Variants in LRP1B observed in about 807,000 individuals in gnomAD.
LRP1B encodes the protein low-density lipoprotein receptor-related protein 1B.
Under a neutral mutation model 556.6 loss-of-function variants are expected in LRP1B, and 217 were observed. The observed-to-expected ratio is 0.39, with a 90% confidence interval of 0.35 to 0.44. The LOEUF (loss-of-function observed/expected upper bound fraction) is 0.44, where lower values mean the gene tolerates loss of function less well. Ranked by LOEUF, LRP1B falls within the 20% of genes least tolerant of loss-of-function variation. The pLI is 1.00. For synonymous variants in LRP1B, 2,047 were observed against 1,865.8 expected, an observed-to-expected ratio of 1.10 and a Z score of -2.50; for missense variants, 5,053 against 5,620.8, an observed-to-expected ratio of 0.90 and a Z score of 3.23.
chr2:140,851,545 G>GA lies in LRP1B; in HGVS notation c.4711+106dup, dbSNP rs34439000. 3,839 of 1,273,590 alleles carry GA rather than the reference G, an allele frequency of 3.0e-3. 1 individual carries two copies. The highest frequency in any genetic ancestry group is 6.7e-3 in the South Asian group (460 of 68,328). 78.9% of individuals were successfully genotyped at this position (1,273,590 alleles called of 1,614,324 possible). On this transcript the variant is annotated intron_variant, in intron 28 of 90. Transcript: ENST00000389484. ...ACCACCTAAAATATTTTTGAAAACA[G>GA]AAAAAAAAACTTCCTCTGCTTTAAT...
At chr2:140,625,124 T>C (rs1683609113) in intron 41 of LRP1B, among the ~76,000 whole-genome samples, 1 of 152,190 alleles carries the variant, frequency 6.6e-6, no homozygotes, top group Non-Finnish European at 1.5e-5. Flanking sequence ...ACAGTTGTGA[T>C]GTCTGTGGTT....
chr2:140,294,945 C>T (rs559777606), intron 84 of LRP1B, among the ~76,000 whole-genome samples: 6 of 152,180 alleles, frequency 3.9e-5, no homozygotes, highest in Non-Finnish European at 7.4e-5. Context: ...GGCGTGATCT[C>T]GGCTCACTGC....
In LRP1B at chr2:140,470,366, G is replaced by A. The variant is rs563995959; in HGVS notation, c.9625+4772C>T. On this transcript the variant is annotated intron_variant, in intron 60 of 90. Transcript: ENST00000389484. ...AGATTAAAACGTGGAGATTTGGGCC[G>A]GGCGTGGTGGCTCACGCCTGTAATC... is the stretch of plus-strand genomic sequence containing the variant. 9.9e-5 allele frequency among the ~76,000 whole-genome samples: 15 copies of A among 152,088 alleles called. No homozygotes were observed. The East Asian group carries it at 2.3e-3, about 24-fold the overall frequency.
chr2:140,831,015 C>A (rs1385948836), intron 31 of LRP1B, among the ~76,000 whole-genome samples: 1 of 151,938 alleles, frequency 6.6e-6, no homozygotes, highest in East Asian at 1.9e-4. Context: ...TAAAAGATCC[C>A]TACAAAGAAA....
At chr2:141,786,126 C>T (rs975106151) in intron 2 of LRP1B, among the ~76,000 whole-genome samples, 2 of 151,780 alleles carry the variant, frequency 1.3e-5, no homozygotes, top group Admixed American at 1.3e-4. Context: ...CGATACTTTT[C>T]CACTGTATAA....
At chr2:140,930,726 CTG>C (rs1467128176) in intron 20 of LRP1B, among the ~76,000 whole-genome samples, 2 of 152,074 alleles carry the variant, frequency 1.3e-5, no homozygotes, top group African/African-American at 4.8e-5. Context: ...TTAAAAAGCA[CTG>C]TATATTGGAT....
intron 1 of LRP1B, among the ~76,000 whole-genome samples, chr2:142,111,998 C>G (rs148314326): frequency 6.6e-6 from 1 of 151,982 alleles, no homozygotes; most frequent in South Asian, 2.1e-4. Flanking sequence ...CAATGATACA[C>G]CATATTGCCA....
intron 1 of LRP1B, among the ~76,000 whole-genome samples, chr2:141,943,676 ATT>A (rs58664779): frequency 2.0e-4 from 30 of 147,454 alleles, no homozygotes; most frequent in African/African-American, 6.4e-4. Context: ...TTCTTGATCT[ATT>A]TTTTTTTTTA....
chr2:140,868,543 G>A (rs1381332235), intron 25 of LRP1B, among the ~76,000 whole-genome samples: 2 of 152,102 alleles, frequency 1.3e-5, no homozygotes, highest in African/African-American at 2.4e-5. Flanking sequence ...TCAGAAAAAA[G>A]CACTTTGAGG....
At chr2:141,595,114 C>T (rs946071607) in intron 2 of LRP1B, among the ~76,000 whole-genome samples, 6 of 151,966 alleles carry the variant, frequency 3.9e-5, no homozygotes, top group Admixed American at 3.9e-4. Flanking sequence ...ATATATTTAC[C>T]TATTAATTTG....
At chr2:141,033,405 A>G (rs141314682) in intron 11 of LRP1B, among the ~76,000 whole-genome samples, 2 of 152,090 alleles carry the variant, frequency 1.3e-5, no homozygotes, top group African/African-American at 2.4e-5. Context: ...AATTTAAAAA[A>G]CTACTCAGGC....
At chr2:141,056,691 T>A (rs1465738645) in intron 9 of LRP1B, among the ~76,000 whole-genome samples, 1 of 151,878 alleles carries the variant, frequency 6.6e-6, no homozygotes, top group Admixed American at 6.6e-5. Context: ...GGAATGCTTA[T>A]TTCTCCATTT....
At chr2:141,439,672 G>C (rs1370898001) in intron 3 of LRP1B, among the ~76,000 whole-genome samples, 1 of 152,032 alleles carries the variant, frequency 6.6e-6, no homozygotes, top group Non-Finnish European at 1.5e-5. Flanking sequence ...GGAGTTACCA[G>C]CTAATTAAGT....
intron 18 of LRP1B, among the ~76,000 whole-genome samples, chr2:140,964,062 T>C (rs991395638): frequency 2.0e-5 from 3 of 151,994 alleles, no homozygotes; most frequent in Admixed American, 1.3e-4. Context: ...GGGTAAAGAA[T>C]GTGAGTCACC....
chr2:140,299,914 C>G (rs1683748973), intron 83 of LRP1B, among the ~76,000 whole-genome samples: 1 of 152,102 alleles, frequency 6.6e-6, no homozygotes, highest in Admixed American at 6.6e-5. Context: ...AATGTGATCA[C>G]TGTGGATTCA....
intron 7 of LRP1B, among the ~76,000 whole-genome samples, chr2:141,172,534 T>C (rs1466887254): frequency 6.6e-6 from 1 of 152,056 alleles, no homozygotes; most frequent in Non-Finnish European, 1.5e-5. Context: ...AGAATTTGCT[T>C]TTAATCACAA....
chr2:142,018,324 T>C (rs986775542), intron 1 of LRP1B, among the ~76,000 whole-genome samples: 2 of 152,164 alleles, frequency 1.3e-5, no homozygotes, highest in African/African-American at 2.4e-5. Flanking sequence ...TGGAAATGAA[T>C]AACCAAAAGT....
At chr2:141,993,815 T>C (rs1387496394) in intron 1 of LRP1B, among the ~76,000 whole-genome samples, 1 of 152,164 alleles carries the variant, frequency 6.6e-6, no homozygotes, top group Non-Finnish European at 1.5e-5. Flanking sequence ...AGGTTAACTT[T>C]AAAATGGCAA....
intron 11 of LRP1B, among the ~76,000 whole-genome samples, chr2:141,021,017 T>C (rs1202322154): frequency 1.3e-5 from 2 of 152,010 alleles, no homozygotes; most frequent in Non-Finnish European, 2.9e-5. Flanking sequence ...TCCATTCTTC[T>C]GTTGCATGAA....
Sources: gnomAD v4.1 joint callset for allele counts (sites outside exome capture counted in the v4.1 genomes callset) on GRCh38, gnomAD v4.1.1 for gene constraint, MANE v1.5 for transcripts, NCBI Gene and HGNC (gene_info 2026-07-23, HGNC 2026-07-21) for gene names.